The following NFIA variants were observed in gnomAD, a reference collection of about 807,000 sequenced individuals.
NFIA encodes nuclear factor I A.
Under a neutral mutation model 62.8 loss-of-function variants are expected in NFIA, and 8 were observed. The ratio of observed to expected loss-of-function variants is 0.13; its 90% CI spans 0.07 to 0.23. NFIA has a LOEUF of 0.23. NFIA is among the 10% of genes least tolerant of loss of function. The pLI is 1.00. For synonymous variants in NFIA, 235 were observed against 238.1 expected (o/e 0.99, Z 0.12); for missense variants, 410 against 642.1 (o/e 0.64, Z 3.91).
At chr1:61,248,368 TAGAC>T (rs1655787452) in intron 2 of NFIA, among the ~76,000 whole-genome samples, 1 of 152,138 alleles carries the variant, frequency 6.6e-6, no homozygotes, top group Non-Finnish European at 1.5e-5. Context: ...AAGCACAAAT[TAGAC>T]AGTTCCCTAA....
chr1:61,281,925 T>G (rs1658159980), intron 3 of NFIA, among the ~76,000 whole-genome samples: 1 of 152,186 alleles, frequency 6.6e-6, no homozygotes, highest in Non-Finnish European at 1.5e-5. Context: ...TATATTGTCA[T>G]TACTCCCAAA....
intron 7 of NFIA, 105 bp from the exon 8 acceptor site, chr1:61,403,999 T>C: frequency 7.6e-7 from 1 of 1,323,100 alleles, no homozygotes; most frequent in South Asian, 1.4e-5. Flanking sequence ...TGAGCAATAT[T>C]GTGAATCGGG....
chr1:61,383,702 G>C (rs908142381), intron 7 of NFIA, among the ~76,000 whole-genome samples: 6 of 152,244 alleles, frequency 3.9e-5, no homozygotes, highest in African/African-American at 7.2e-5. Flanking sequence ...GAATGTGTGT[G>C]TGTGTGCGCA....
intron 10 of NFIA, among the ~76,000 whole-genome samples, chr1:61,445,043 C>A (rs1220360811): frequency 6.6e-6 from 1 of 152,164 alleles, no homozygotes; most frequent in African/African-American, 2.4e-5. Flanking sequence ...ATTTTGTACG[C>A]ATGCTCAATT....
intron 2 of NFIA, among the ~76,000 whole-genome samples, chr1:61,152,659 G>C (rs138088643): frequency 3.6e-4 from 55 of 152,048 alleles, no homozygotes; most frequent in African/African-American, 1.3e-3. Context: ...TCTTTCTGTG[G>C]AATGTGTTGC....
At chr1:61,265,092 C>T (rs1364470696) in intron 2 of NFIA, among the ~76,000 whole-genome samples, 1 of 152,172 alleles carries the variant, frequency 6.6e-6, no homozygotes, top group African/African-American at 2.4e-5. Context: ...TCAACTCATA[C>T]ATCTTTGAAG....
At chr1:61,079,341 C>T (rs1646068655), upstream of NFIA, among the ~76,000 whole-genome samples, 1 of 152,178 alleles carries the variant, frequency 6.6e-6, no homozygotes, top group Non-Finnish European at 1.5e-5. Context: ...TAAGATCTCC[C>T]TATTAAGTAA....
chr1:61,410,462 T>C (rs569576679), intron 9 of NFIA, among the ~76,000 whole-genome samples: 1 of 152,360 alleles, frequency 6.6e-6, no homozygotes, highest in Admixed American at 6.5e-5. Flanking sequence ...AGGAGCATCA[T>C]GACAGGGTAT....
chr1:61,383,592 C>T (rs1664532885), intron 7 of NFIA, among the ~76,000 whole-genome samples: 1 of 152,154 alleles, frequency 6.6e-6, no homozygotes, highest in African/African-American at 2.4e-5. Context: ...TTTTTGTTGG[C>T]CAGTGAGATT....
intron 7 of NFIA, among the ~76,000 whole-genome samples, chr1:61,401,311 T>G (rs1665545382): frequency 6.6e-6 from 1 of 152,238 alleles, no homozygotes; most frequent in Non-Finnish European, 1.5e-5. Flanking sequence ...TAGTACCATA[T>G]GTTCTTGTGT....
chr1:61,418,750 A>G (rs1666472133), intron 9 of NFIA, among the ~76,000 whole-genome samples: 1 of 152,246 alleles, frequency 6.6e-6, no homozygotes, highest in Non-Finnish European at 1.5e-5. Context: ...ATCTTGTAGC[A>G]TAAACCTTTA....
chr1:61,380,538 T>C lies in NFIA; in HGVS notation c.947-2699T>C, dbSNP rs369285870. Among the ~76,000 whole-genome samples the C allele has an allele frequency of 4.6e-5, 7 of 152,330 alleles. No individual in the cohort carries two copies. In the South Asian group the frequency reaches 1.5e-3, roughly 32 times the overall value. On this transcript the variant is annotated intron_variant, in intron 6 of 10. Transcript: ENST00000403491. ...AATAAAAGCCAACATTAATGTTTTC[T>C]AGCTTTTAACAGAAAGCAGTTTACT...
intron 2 of NFIA, among the ~76,000 whole-genome samples, chr1:61,142,671 C>A (rs953698268): frequency 6.6e-6 from 1 of 152,138 alleles, no homozygotes; most frequent in Non-Finnish European, 1.5e-5. Flanking sequence ...GTTTTCTTAA[C>A]GGTATAACTT....
At chr1:61,373,278 TA>T (rs1368026319) in intron 6 of NFIA, among the ~76,000 whole-genome samples, 1 of 152,184 alleles carries the variant, frequency 6.6e-6, no homozygotes, top group African/African-American at 2.4e-5. Context: ...TAATAAGATT[TA>T]GCAAGAAAAT....
chr1:61,301,204 T>G (rs1321777812), intron 3 of NFIA, among the ~76,000 whole-genome samples: 1 of 152,100 alleles, frequency 6.6e-6, no homozygotes, highest in Non-Finnish European at 1.5e-5. Context: ...GTAGATAGAC[T>G]AAAGGATTTG....
intron 3 of NFIA, among the ~76,000 whole-genome samples, chr1:61,302,587 C>T (rs758432617): frequency 1.3e-5 from 2 of 152,058 alleles, no homozygotes; most frequent in African/African-American, 2.4e-5. Context: ...GTTTAGTCTT[C>T]GTCCATAGTA....
intron 3 of NFIA, among the ~76,000 whole-genome samples, chr1:61,309,094 T>C (rs954624758): frequency 3.9e-5 from 6 of 152,194 alleles, no homozygotes; most frequent in Non-Finnish European, 7.3e-5. Flanking sequence ...TATAGAGTTT[T>C]CCCCAGCTTC....
chr1:61,455,497 G>A lies in NFIA; in HGVS notation c.*177G>A, dbSNP rs558569655. The A allele has an allele frequency of 2.6e-5, 26 of 982,048 alleles. No homozygotes were observed. The African/African-American group carries it at 3.6e-4, about 13-fold the overall frequency. The allele number at this position is 982,048 out of a possible 1,614,324, so 60.8% of individuals were successfully genotyped here. ...CAAGCATTATGGTCAAACAGCAAAG[G>A]CCATAACCTTTTGGGATTTTTTTTT... On this transcript the variant is annotated 3_prime_UTR_variant, in exon 11 of 11. Transcript: ENST00000403491.
chr1:61,281,247 A>G (rs1658112557), intron 3 of NFIA, among the ~76,000 whole-genome samples: 1 of 151,702 alleles, frequency 6.6e-6, no homozygotes, highest in South Asian at 2.1e-4. Context: ...CAAAAAAAAA[A>G]AAGAAAAGAA....
Sources: allele counts gnomAD v4.1 joint callset (sites outside exome capture counted in the v4.1 genomes callset), GRCh38; gene constraint gnomAD v4.1.1; transcripts MANE v1.5; gene names NCBI Gene and HGNC (gene_info 2026-07-23, HGNC 2026-07-21).